Variants in DHRSX observed in about 807,000 individuals in gnomAD.
The protein encoded by DHRSX is polyprenol dehydrogenase.
A neutral mutation model predicts 34.0 loss-of-function variants in DHRSX; 31 were observed. The ratio of observed to expected loss-of-function variants is 0.91; its 90% CI spans 0.69 to 1.23. The LOEUF is 1.23. Ranked by LOEUF, DHRSX falls within the 50% of genes most tolerant of loss-of-function variation. The pLI is 0.00. For missense variants in DHRSX, 414 were observed against 428.1 expected (o/e 0.97, Z 0.29); for synonymous variants, 201 against 183.8 (o/e 1.09, Z -0.76).
rs531488800 is a variant in DHRSX, at chrX:2,267,543, C to CAA, written c.389-598_389-597dup. Among the ~76,000 whole-genome samples, 801 of 127,634 alleles carry CAA rather than the reference C, an allele frequency of 6.3e-3. 9 individuals carry two copies. The highest frequency in any genetic ancestry group is 0.018 in the African/African-American group (630 of 34,750). 83.7% of individuals were successfully genotyped at this position (127,634 alleles called of 152,430 possible). On this transcript the variant is annotated intron_variant, in intron 4 of 6. Coordinates refer to ENST00000334651, the MANE Select transcript of DHRSX (RefSeq NM_145177.3). ...CTGGTGACAGAGCGAGACTCCATCT[C>CAA]AAAAAAAAAAAAAAGGAAAAGAAAA... is the stretch of plus-strand genomic sequence containing the variant.
intron 1 of DHRSX, among the ~76,000 whole-genome samples, chrX:2,481,120 T>C (rs2044763819): frequency 6.6e-6 from 1 of 152,226 alleles, no homozygotes; most frequent in South Asian, 2.1e-4. Flanking sequence ...ACCAGCTTGA[T>C]TTAATCATTG....
intron 3 of DHRSX, among the ~76,000 whole-genome samples, chrX:2,403,039 C>T (rs1569497483): frequency 2.0e-5 from 3 of 152,056 alleles, no homozygotes; most frequent in East Asian, 1.9e-4. Flanking sequence ...TGCACCACCA[C>T]GCCCGGCTAA....
Position 2,347,356 on chromosome X carries a change from G to A in DHRSX, c.287-55753C>T, listed in dbSNP as rs770704061. Reference sequence around the variant, plus strand: ...GGGCAAAGACCTGCCCCCATGATTCGGTTACCTCCCACTGGGTCCCTCCCA... The same window carrying A: ...GGGCAAAGACCTGCCCCCATGATTCAGTTACCTCCCACTGGGTCCCTCCCA... On this transcript the variant is annotated intron_variant, in intron 3 of 6. Coordinates refer to ENST00000334651, the MANE Select transcript of DHRSX (RefSeq NM_145177.3). Among the ~76,000 whole-genome samples, 17 of 152,240 alleles carry A rather than the reference G, an allele frequency of 1.1e-4. No individual in the cohort carries two copies. The South Asian group carries it at 1.4e-3, about 13-fold the overall frequency.
chrX:2,408,803 A>G lies in DHRSX; in HGVS notation c.228T>C (p.Asn76=), dbSNP rs1476285772. The change falls in exon 3 of 7, where the codon AAT becomes AAC. Residue 76 remains asparagine (N), a synonymous_variant. Coordinates refer to ENST00000334651, the MANE Select transcript of DHRSX (RefSeq NM_145177.3). ...LGMHVIIAGN[N]DSKAKQVVSK... Reference sequence around the variant, plus strand: ...TTACAACTTGTTTGGCTTTGCTGTCATTATTTCCAGCTAAAAGGAAAAAGA... The same window carrying G: ...TTACAACTTGTTTGGCTTTGCTGTCGTTATTTCCAGCTAAAAGGAAAAAGA... The G allele has an allele frequency of 1.2e-6, 2 of 1,611,836 alleles. No homozygotes were observed. Among genetic ancestry groups the G allele is most frequent in the East Asian group, 2.2e-5 (1 of 44,874 alleles).
chrX:2,483,875 C>T (rs1265854591), intron 1 of DHRSX, among the ~76,000 whole-genome samples: 4 of 150,984 alleles, frequency 2.6e-5, no homozygotes, highest in South Asian at 2.1e-4. Flanking sequence ...TGTTTACATT[C>T]GTACATTTTT....
At chrX:2,231,021 C>G (rs1257948658) in intron 6 of DHRSX, among the ~76,000 whole-genome samples, 3 of 152,162 alleles carry the variant, frequency 2.0e-5, no homozygotes, top group African/African-American at 7.2e-5. Context: ...CATCTCTTAG[C>G]TTGAGTCACT....
intron 3 of DHRSX, among the ~76,000 whole-genome samples, chrX:2,323,481 G>A (rs1243384873): frequency 2.6e-5 from 4 of 151,972 alleles, no homozygotes; most frequent in African/African-American, 9.7e-5. Context: ...TATGTTTTTT[G>A]GCCAGACACG....
intron 2 of DHRSX, among the ~76,000 whole-genome samples, chrX:2,422,339 T>C (rs1223602876): frequency 6.6e-6 from 1 of 152,058 alleles, no homozygotes; most frequent in Admixed American, 6.6e-5. Context: ...CTCGGTTCAC[T>C]GCAACCTCCG....
At chrX:2,228,999 T>C (rs1157624777) in intron 6 of DHRSX, among the ~76,000 whole-genome samples, 1 of 152,148 alleles carries the variant, frequency 6.6e-6, no homozygotes, top group Non-Finnish European at 1.5e-5. Context: ...GGATGTCTCC[T>C]AGGGAGGAGG....
chrX:2,300,627 T>C (rs2041998590), intron 3 of DHRSX, among the ~76,000 whole-genome samples: 1 of 152,190 alleles, frequency 6.6e-6, no homozygotes, highest in South Asian at 2.1e-4. Flanking sequence ...CTTTCTCCCG[T>C]GCTGGATGCT....
intron 3 of DHRSX, among the ~76,000 whole-genome samples, chrX:2,388,685 G>C (rs1264943512): frequency 9.6e-5 from 14 of 145,658 alleles, no homozygotes; most frequent in African/African-American, 1.8e-4. Flanking sequence ...CACAGACACA[G>C]ACAGAGGAAG....
chrX:2,381,309 C>A (rs1439962899), intron 3 of DHRSX, among the ~76,000 whole-genome samples: 1 of 152,158 alleles, frequency 6.6e-6, no homozygotes, highest in East Asian at 1.9e-4. Flanking sequence ...CTCCCTCGAC[C>A]CTTCTGCCAC....
intron 3 of DHRSX, among the ~76,000 whole-genome samples, chrX:2,386,156 A>ATTATTTATTTAT (rs768572407): frequency 0.011 from 1,564 of 143,976 alleles, 14 homozygotes; most frequent in South Asian, 0.024. Flanking sequence ...TAGATAATCA[A>ATTATTTATTTAT]TTATTTATTT....
intron 1 of DHRSX, among the ~76,000 whole-genome samples, chrX:2,478,855 A>C (rs1408594016): frequency 1.3e-5 from 2 of 152,002 alleles, no homozygotes; most frequent in Non-Finnish European, 2.9e-5. Context: ...GAATGTGGCC[A>C]AGGGACCACC....
At chrX:2,260,238 T>C (rs2041345031) in intron 5 of DHRSX, among the ~76,000 whole-genome samples, 1 of 151,822 alleles carries the variant, frequency 6.6e-6, no homozygotes, top group Non-Finnish European at 1.5e-5. Flanking sequence ...GAATAGTTAA[T>C]ATTATGTGTT....
intron 3 of DHRSX, among the ~76,000 whole-genome samples, chrX:2,292,154 C>T (rs1467941441): frequency 6.6e-6 from 1 of 152,096 alleles, no homozygotes. Flanking sequence ...TGTGTGGGAC[C>T]TGTCATTCTC....
At chrX:2,274,352 AT>A (rs754646157) in intron 4 of DHRSX, among the ~76,000 whole-genome samples, 1 of 147,434 alleles carries the variant, frequency 6.8e-6, no homozygotes, top group Admixed American at 6.8e-5. Flanking sequence ...TAATATTATT[AT>A]TTTTTTGGAG....
intron 5 of DHRSX, among the ~76,000 whole-genome samples, chrX:2,250,078 C>T (rs1358801167): frequency 6.8e-6 from 1 of 147,868 alleles, no homozygotes; most frequent in Non-Finnish European, 1.5e-5. Flanking sequence ...AGGAGAATCG[C>T]TTGAACCCGG....
chrX:2,230,456 G>A lies in DHRSX; in HGVS notation c.805-9227C>T, dbSNP rs139137217. Among the ~76,000 whole-genome samples the A allele has an allele frequency of 6.9e-3, 1,048 of 152,322 alleles. 13 individuals are homozygous for A. The highest frequency in any genetic ancestry group is 0.024 in the African/African-American group (1,006 of 41,566). On this transcript the variant is annotated intron_variant, in intron 6 of 6. Transcript: ENST00000334651. Reference sequence around the variant, plus strand: ...AGACAACAGAGAGGAGATGGCTTGTGCTGTTTAATGTCAGGTAACACAGGT... The same window carrying A: ...AGACAACAGAGAGGAGATGGCTTGTACTGTTTAATGTCAGGTAACACAGGT...
Sources: allele counts gnomAD v4.1 joint callset (sites outside exome capture counted in the v4.1 genomes callset), GRCh38; gene constraint gnomAD v4.1.1; transcripts MANE v1.5; gene names NCBI Gene and HGNC (gene_info 2026-07-23, HGNC 2026-07-21).